The following DNAJC16 variants were observed in gnomAD, a reference collection of about 807,000 sequenced individuals.
DNAJC16 encodes the protein DnaJ heat shock protein family (Hsp40) member C16.
Under a neutral mutation model 92.7 loss-of-function variants are expected in DNAJC16, and 76 were observed. The observed-to-expected ratio is 0.82, with a 90% confidence interval of 0.68 to 0.99. The LOEUF (loss-of-function observed/expected upper bound fraction) is 0.99, where lower values mean the gene tolerates loss of function less well. Among genes scored for constraint, DNAJC16 ranks in the 50% least tolerant of loss-of-function variants. DNAJC16 has a pLI of 0.00. For missense variants in DNAJC16, 869 were observed against 942.4 expected (o/e 0.92, Z 1.02); for synonymous variants, 328 against 358.7 (o/e 0.91, Z 0.97).
At chr1:15,548,763 T>C (rs987557586) in intron 7 of DNAJC16, among the ~76,000 whole-genome samples, 2 of 152,202 alleles carry the variant, frequency 1.3e-5, no homozygotes, top group African/African-American at 4.8e-5. Context: ...AATATTTATC[T>C]GATCTTAAGG....
rs1557589824 is a variant in DNAJC16 at position 15,566,341 on chromosome 1, T to A, written c.1778+161T>A. 4.7e-6 allele frequency: 3 copies of A among 637,238 alleles called. No individual in the cohort carries two copies. The African/African-American group carries it at 5.5e-5, about 12-fold the overall frequency. 39.5% of individuals were successfully genotyped at this position (637,238 alleles called of 1,614,324 possible). ...GGGAAAAGTCACTGTGATTTGTGTT[T>A]ACTAAGACCCTGTAGGTGTTTAGAT... On this transcript the variant is annotated intron_variant, in intron 13 of 14. Coordinates refer to ENST00000375847, the MANE Select transcript of DNAJC16 (RefSeq NM_015291.4).
chr1:15,553,104 A>G (rs1018822160), intron 7 of DNAJC16, among the ~76,000 whole-genome samples: 3 of 151,434 alleles, frequency 2.0e-5, no homozygotes, highest in Admixed American at 1.3e-4. Context: ...TTTTAATTAG[A>G]TATCTGCCTT....
chr1:15,555,901 G>C (rs1467897530), intron 7 of DNAJC16, among the ~76,000 whole-genome samples: 1 of 149,876 alleles, frequency 6.7e-6, no homozygotes, highest in Non-Finnish European at 1.5e-5. Flanking sequence ...TGAGGCAGGA[G>C]AATCACTTGA....
intron 8 of DNAJC16, among the ~76,000 whole-genome samples, chr1:15,561,864 A>T (rs1318718953): frequency 1.3e-5 from 2 of 151,896 alleles, no homozygotes; most frequent in African/African-American, 4.8e-5. Flanking sequence ...CTATATATAT[A>T]TAGTTTTCAT....
intron 8 of DNAJC16, among the ~76,000 whole-genome samples, 173 bp from the exon 9 acceptor site, chr1:15,561,969 A>G (rs776783682): frequency 2.6e-5 from 4 of 152,204 alleles, no homozygotes; most frequent in Non-Finnish European, 5.9e-5. Context: ...GAAGAGAAAC[A>G]GTTTGTTAAT....
intron 9 of DNAJC16, among the ~76,000 whole-genome samples, chr1:15,563,663 TAAAA>T (rs57751838): frequency 1.9e-5 from 1 of 53,210 alleles, no homozygotes; most frequent in Non-Finnish European, 3.5e-5. Flanking sequence ...CCATCTCTAC[TAAAA>T]AAAAAAAAAA....
chr1:15,560,077 A>AC (rs1294339886), intron 8 of DNAJC16: 3 of 154,030 alleles, frequency 1.9e-5, no homozygotes, highest in African/African-American at 7.3e-5. Context: ...AAAAAAAAAA[A>AC]AAAAAACACT....
In DNAJC16 at chr1:15,555,104, G is replaced by A. The variant is rs139155250; in HGVS notation, c.1024-4422G>A. Among the ~76,000 whole-genome samples the A allele has an allele frequency of 1.1e-3, 169 of 151,022 alleles. 1 individual carries two copies. The highest frequency in any genetic ancestry group is 3.5e-3 in the African/African-American group (144 of 41,132). ...TTAAAAAAGAATGTAGGCCAGGCGC[G>A]GTGGCTCACACCTGTAATCCTCGTA... On this transcript the variant is annotated intron_variant, in intron 7 of 14. Transcript: ENST00000375847.
intron 9 of DNAJC16, among the ~76,000 whole-genome samples, chr1:15,563,698 A>G (rs1638743196): frequency 6.7e-6 from 1 of 150,038 alleles, no homozygotes; most frequent in African/African-American, 2.5e-5. Flanking sequence ...AAATACCAAA[A>G]ATTAGCCAGG....
At chr1:15,555,033 CTTTT>C (rs35798505) in intron 7 of DNAJC16, among the ~76,000 whole-genome samples, 1 of 121,952 alleles carries the variant, frequency 8.2e-6, no homozygotes, top group Non-Finnish European at 1.8e-5. Flanking sequence ...TATTAAAAAG[CTTTT>C]TTTTTTTTTG....
chr1:15,534,575 A>AG (rs1238852773), intron 3 of DNAJC16, among the ~76,000 whole-genome samples: 8 of 152,136 alleles, frequency 5.3e-5, no homozygotes, highest in African/African-American at 1.9e-4. Flanking sequence ...TACAAAAAAA[A>AG]TTCGCCGGGC....
chr1:15,543,921 G>T (rs764629026), intron 4 of DNAJC16, among the ~76,000 whole-genome samples: 4 of 152,146 alleles, frequency 2.6e-5, no homozygotes, highest in Non-Finnish European at 4.4e-5. Context: ...GGTAGGACAG[G>T]TCTGTGGGAG....
At chr1:15,567,709 G>A (rs2103430141) in intron 14 of DNAJC16, 69 bp from the exon 15 acceptor site, 6 of 1,462,466 alleles carry the variant, frequency 4.1e-6, no homozygotes, top group Non-Finnish European at 5.6e-6. Flanking sequence ...TCTCACTGGG[G>A]TATTTATTTT....
At chr1:15,543,907 C>T (rs1346955843) in intron 4 of DNAJC16, among the ~76,000 whole-genome samples, 1 of 152,148 alleles carries the variant, frequency 6.6e-6, no homozygotes, top group Admixed American at 6.5e-5. Context: ...ATGGCAAAGA[C>T]GTGGGTAGGA....
At chr1:15,528,162 A>G (rs1042433267) in intron 1 of DNAJC16, among the ~76,000 whole-genome samples, 1 of 152,198 alleles carries the variant, frequency 6.6e-6, no homozygotes, top group Non-Finnish European at 1.5e-5. Context: ...GGCCGGCGCG[A>G]TGGCTCACGC....
At chr1:15,543,225 A>G (rs1397846817) in intron 4 of DNAJC16, among the ~76,000 whole-genome samples, 1 of 152,214 alleles carries the variant, frequency 6.6e-6, no homozygotes, top group Non-Finnish European at 1.5e-5. Context: ...CGCTGTGGAA[A>G]AAGTTAAAGT....
In DNAJC16 at chr1:15,568,760, C is replaced by G. The variant is rs1196311388; in HGVS notation, c.*583C>G. The G allele has an allele frequency of 1.8e-5, 7 of 398,652 alleles. No individual in the cohort carries two copies. Among genetic ancestry groups the G allele is most frequent in the Middle Eastern group, 6.2e-4 (1 of 1,610 alleles). 24.7% of individuals were successfully genotyped at this position (398,652 alleles called of 1,614,324 possible). The stretch of plus-strand genomic sequence containing the variant: ...ATATTTTGGGGGTATCCCCCAACAA[C>G]AGTTTGTTGGCCACAGGTTGAAAAG... On this transcript the variant is annotated 3_prime_UTR_variant, in exon 15 of 15. Coordinates refer to ENST00000375847, the MANE Select transcript of DNAJC16 (RefSeq NM_015291.4).
chr1:15,539,399 C>G (rs540254630), intron 4 of DNAJC16, among the ~76,000 whole-genome samples: 1 of 151,972 alleles, frequency 6.6e-6, no homozygotes, highest in Non-Finnish European at 1.5e-5. Context: ...GCACCCATCA[C>G]CACGCCCGGC....
At chr1:15,565,763 C>T (rs968419719) in intron 11 of DNAJC16, 156 bp from the exon 12 acceptor site, 6 of 709,550 alleles carry the variant, frequency 8.5e-6, no homozygotes, top group Non-Finnish European at 1.5e-5. Context: ...CCTTCCCCTC[C>T]ACCACCTCCA....
Sources: allele counts gnomAD v4.1 joint callset (sites outside exome capture counted in the v4.1 genomes callset), GRCh38; gene constraint gnomAD v4.1.1; transcripts MANE v1.5; gene names NCBI Gene and HGNC (gene_info 2026-07-23, HGNC 2026-07-21).